The following SLC36A3 variants were observed in gnomAD, a reference collection of about 807,000 sequenced individuals.
SLC36A3 encodes the protein solute carrier family 36 member 3.
SLC36A3 carries 35 observed loss-of-function variants against 44.3 expected under a neutral mutation model. The ratio of observed to expected loss-of-function variants is 0.79; its 90% CI spans 0.60 to 1.05. The LOEUF is 1.05. Ranked by LOEUF, SLC36A3 falls within the 50% of genes least tolerant of loss-of-function variation. The probability of loss-of-function intolerance (pLI) is 0.00; values close to 1 mark genes in which losing one functional copy is unlikely to be tolerated. For missense variants in SLC36A3, 540 were observed against 578.7 expected (o/e 0.93, Z 0.69); for synonymous variants, 211 against 227.6 (o/e 0.93, Z 0.66).
chr5:151,282,937 T>A (rs959609641), intron 8 of SLC36A3, among the ~76,000 whole-genome samples: 1 of 151,798 alleles, frequency 6.6e-6, no homozygotes, highest in Non-Finnish European at 1.5e-5. Flanking sequence ...TAGGCTGGAA[T>A]GCAATGGCGT....
intron 9 of SLC36A3, among the ~76,000 whole-genome samples, chr5:151,278,759 C>T (rs370421117): frequency 3.3e-5 from 5 of 152,206 alleles, no homozygotes; most frequent in Admixed American, 6.5e-5. Flanking sequence ...CATTCTCCTT[C>T]GATGGGAGGT....
At chr5:151,278,427 A>G (rs1346064037) in intron 9 of SLC36A3, among the ~76,000 whole-genome samples, 2 of 150,892 alleles carry the variant, frequency 1.3e-5, no homozygotes, top group African/African-American at 4.8e-5. Context: ...TATATAATTT[A>G]TATGATTTAA....
At position 151,277,412 on chromosome 5, in the gene SLC36A3, G is replaced by T. The variant is rs924833023; in HGVS notation, c.1394C>A (p.Ser465Tyr). The T allele has an allele frequency of 5.0e-6, 8 of 1,614,074 alleles. No homozygotes were observed. Among genetic ancestry groups the T allele is most frequent in the African/African-American group, 1.3e-5 (1 of 74,928 alleles). The change falls in exon 10 of 10, where the codon TCC becomes TAC. Residue 465 changes from serine to tyrosine, a missense_variant. Transcript: ENST00000335230. The part of the protein sequence containing the change: ...PQPISHSMAN[S>Y]TGVHA The stretch of plus-strand genomic sequence containing the variant: ...AGATAATTATGCATGGACACCTGTG[G>T]AGTTGGCCATGGAATGGCTGATGGG...
intron 3 of SLC36A3, 38 bp downstream of exon 3, chr5:151,296,142 G>T: frequency 6.2e-7 from 1 of 1,602,890 alleles, no homozygotes; most frequent in Non-Finnish European, 8.5e-7. Flanking sequence ...CCTCAGAGGG[G>T]CCCCAGTGCT....
chr5:151,276,820 G>A lies in SLC36A3; in HGVS notation c.*573C>T, dbSNP rs1754108526. The A allele has an allele frequency of 6.5e-6, 1 of 153,370 alleles. No individual in the cohort carries two copies. The highest frequency in any genetic ancestry group is 2.4e-5 in the African/African-American group (1 of 41,466). The allele number at this position is 153,370 out of a possible 1,614,324, so 9.5% of individuals were successfully genotyped here. On this transcript the variant is annotated 3_prime_UTR_variant, in exon 10 of 10. Coordinates refer to ENST00000335230, the MANE Select transcript of SLC36A3 (RefSeq NM_181774.4). The stretch of plus-strand genomic sequence containing the variant: ...CTTTCAGAATATCAGAGTTGACAGA[G>A]TCCTTAATAATCAGTTAGTCCAACT...
intron 2 of SLC36A3, chr5:151,297,352 T>C (rs1754991914): frequency 6.6e-6 from 1 of 152,134 alleles, no homozygotes; most frequent in East Asian, 1.9e-4. Context: ...TTGTAGAAGC[T>C]CTAGAACCCA....
rs1754291292 is a variant in SLC36A3 at position 151,280,994 on chromosome 5, T to G, written c.1144+20A>C. ...CCCTGTCATAGCTTTGGGTAAAGAG[T>G]GCCCTTTTATGCTACTCACAGGTTA... On this transcript the variant is annotated intron_variant, in intron 9 of 9. Coordinates refer to ENST00000335230, the MANE Select transcript of SLC36A3 (RefSeq NM_181774.4). 1.9e-6 allele frequency: 3 copies of G among 1,613,158 alleles called. No individual in the cohort carries two copies. The highest frequency in any genetic ancestry group is 2.5e-6 in the Non-Finnish European group (3 of 1,179,690).
At chr5:151,287,129 T>G (rs113801772) in intron 6 of SLC36A3, 117 bp downstream of exon 6, 2 of 949,254 alleles carry the variant, frequency 2.1e-6, no homozygotes, top group African/African-American at 1.7e-5. Flanking sequence ...TGGCAGGGGC[T>G]GCTCAGAGCA....
Position 151,277,498 on chromosome 5 carries a change from G to T in SLC36A3, c.1308C>A (p.Ser436Arg), listed in dbSNP as rs768146839. 2.5e-6 allele frequency: 4 copies of T among 1,614,176 alleles called. No homozygotes were observed. In the South Asian group the frequency reaches 4.4e-5, roughly 18 times the overall value. Reference sequence around the variant, plus strand: ...ATATACACCCTAAAAGGCCCACGATGCTAATCATGATGTCCTTGGCAATGG... The same window carrying T: ...ATATACACCCTAAAAGGCCCACGATTCTAATCATGATGTCCTTGGCAATGG... ...CVTIAKDIMI[S>R]IVGLLGCIFG... Residue 436 changes from serine to arginine, a missense_variant, in exon 10 of 10, where the codon AGC (serine) becomes AGA (arginine). Coordinates refer to ENST00000335230, the MANE Select transcript of SLC36A3 (RefSeq NM_181774.4).
At position 151,303,722 on chromosome 5, in the gene SLC36A3, A is replaced by G. The variant is rs1371429781; in HGVS notation, c.-368T>C. On this transcript the variant is annotated 5_prime_UTR_variant, in exon 1 of 10. Coordinates refer to ENST00000335230, the MANE Select transcript of SLC36A3 (RefSeq NM_181774.4). Reference sequence around the variant, plus strand: ...ACAGTGTGACTGGGAGGAAGAAGACACCATTGGATTGGAGGTCCTGGTGCC... The same window carrying G: ...ACAGTGTGACTGGGAGGAAGAAGACGCCATTGGATTGGAGGTCCTGGTGCC... 1 of 177,256 alleles carries G rather than the reference A, an allele frequency of 5.6e-6. No individual in the cohort carries two copies. The highest frequency in any genetic ancestry group is 1.5e-4 in the East Asian group (1 of 6,660). The allele number at this position is 177,256 out of a possible 1,614,324, so 11.0% of individuals were successfully genotyped here.
At chr5:151,296,441 A>C in intron 2 of SLC36A3, 173 bp from the exon 3 acceptor site, 1 of 646,490 alleles carries the variant, frequency 1.5e-6, no homozygotes, top group Non-Finnish European at 2.8e-6. Flanking sequence ...TGCTCTTCTT[A>C]GCATCCCTGT....
At chr5:151,296,574 A>G (rs543269612) in intron 2 of SLC36A3, 1 of 396,564 alleles carries the variant, frequency 2.5e-6, no homozygotes, top group East Asian at 5.3e-5. Context: ...CTTGTGGTAA[A>G]TTTATTTTGT....
In SLC36A3 at chr5:151,287,502, C is replaced by T. The variant is rs775597319; in HGVS notation, c.490-38G>A. 32 of 1,586,428 alleles carry T rather than the reference C, an allele frequency of 2.0e-5. No homozygotes were observed. The East Asian group carries it at 2.0e-4, about 10-fold the overall frequency. On this transcript the variant is annotated intron_variant, in intron 5 of 9. Transcript: ENST00000335230. The stretch of plus-strand genomic sequence containing the variant: ...ACAATGACAGGCAGTGTGGTTGCTA[C>T]GTAAAACACAGGACACCAATTACAT...
intron 4 of SLC36A3, among the ~76,000 whole-genome samples, 182 bp downstream of exon 4, chr5:151,293,182 A>G (rs576105104): frequency 6.6e-6 from 1 of 152,376 alleles, no homozygotes; most frequent in African/African-American, 2.4e-5. Context: ...TTTACTAACT[A>G]GGTTTCAATG....
intron 4 of SLC36A3, among the ~76,000 whole-genome samples, chr5:151,292,608 A>G (rs766333814): frequency 1.3e-5 from 2 of 152,386 alleles, no homozygotes; most frequent in East Asian, 3.9e-4. Context: ...CAAGGCAGGG[A>G]ACAACCTGAA....
chr5:151,296,593 C>A (rs751716694), intron 2 of SLC36A3: 13 of 350,092 alleles, frequency 3.7e-5, no homozygotes, highest in Non-Finnish European at 6.3e-5. Flanking sequence ...GTCTGACACA[C>A]CCTGGCCCTC....
At chr5:151,297,061 G>A (rs1754984555) in intron 2 of SLC36A3, 1 of 152,152 alleles carries the variant, frequency 6.6e-6, no homozygotes, top group Non-Finnish European at 1.5e-5. Context: ...CATAAATGAG[G>A]GATCAAGAGC....
At chr5:151,291,736 A>G (rs1251257812) in intron 4 of SLC36A3, among the ~76,000 whole-genome samples, 2 of 152,214 alleles carry the variant, frequency 1.3e-5, no homozygotes, top group Non-Finnish European at 2.9e-5. Context: ...AGATGCTAAG[A>G]TGAGTACATG....
intron 8 of SLC36A3, among the ~76,000 whole-genome samples, chr5:151,283,510 A>T (rs1754406484): frequency 6.6e-6 from 1 of 152,192 alleles, no homozygotes; most frequent in Non-Finnish European, 1.5e-5. Context: ...TCTTGAGTAA[A>T]ATAAGGCACA....
Sources: allele counts gnomAD v4.1 joint callset (sites outside exome capture counted in the v4.1 genomes callset), GRCh38; gene constraint gnomAD v4.1.1; transcripts MANE v1.5; gene names NCBI Gene and HGNC (gene_info 2026-07-23, HGNC 2026-07-21).